CCNB2: variants seen among roughly 807,000 people sequenced by gnomAD.
CCNB2 encodes the protein cyclin B2.
In CCNB2, 39 loss-of-function variants were observed where a neutral mutation model predicts 51.1. The ratio of observed to expected loss-of-function variants is 0.76; its 90% CI spans 0.59 to 1.00. The LOEUF is 1.00. CCNB2 is among the 50% of genes least tolerant of loss of function. The probability of loss-of-function intolerance (pLI) is 0.00; values close to 1 mark genes in which losing one functional copy is unlikely to be tolerated. For synonymous variants in CCNB2, 174 were observed against 165.5 expected (o/e 1.05, Z -0.40); for missense variants, 472 against 470.3 (o/e 1.00, Z -0.03).
chr15:59,115,237 T>C lies in CCNB2; in HGVS notation c.597+361T>C, dbSNP rs959305299. 2.0e-5 allele frequency among the ~76,000 whole-genome samples: 3 copies of C among 152,158 alleles called. No individual in the cohort carries two copies. In the South Asian group the frequency reaches 6.2e-4, roughly 32 times the overall value. On this transcript the variant is annotated intron_variant, in intron 5 of 8. Coordinates refer to ENST00000288207, the MANE Select transcript of CCNB2 (RefSeq NM_004701.4). ...GCCTGCTTGCACAATTTCCATAGTT[T>C]GGTGCTCTGGTGTTAAGTTTCCTCA...
chr15:59,116,990 C>T, intron 6 of CCNB2, 64 bp downstream of exon 6: 1 of 1,346,026 alleles, frequency 7.4e-7, no homozygotes. Flanking sequence ...AAACCTTGAC[C>T]TAATTTAAGG....
rs750754556 is a variant in CCNB2, at chr15:59,107,537, A to G, written c.154-20A>G. On this transcript the variant is annotated intron_variant, in intron 2 of 8. Coordinates refer to ENST00000288207, the MANE Select transcript of CCNB2 (RefSeq NM_004701.4). ...CAACGCTGGCTGTCTTGCGCTATTC[A>G]TGTTTCTTTTTCCTTATAGAAAGCT... 14 of 1,613,950 alleles carry G rather than the reference A, an allele frequency of 8.7e-6. No individual in the cohort carries two copies. In the South Asian group the frequency reaches 1.4e-4, roughly 16 times the overall value.
intron 5 of CCNB2, 87 bp downstream of exon 5, chr15:59,114,963 C>A (rs2079273243): frequency 7.3e-7 from 1 of 1,364,502 alleles, no homozygotes. Context: ...GTGGGTACTT[C>A]TGAAAAAAAG....
rs1425747871 is a variant in CCNB2 at position 59,107,575 on chromosome 15, G to A, written c.172G>A (p.Val58Ile). ...CTTATAGAAAGCTCAGAACACCAAA[G>A]TTCCAGTTCAACCCACCAAAACAAC... ...QVAKKAQNTK[V>I]PVQPTKTTNV... Residue 58 changes from valine to isoleucine, a missense_variant, in exon 3 of 9, where the codon GTT (valine) becomes ATT (isoleucine). Physicochemically the swap from Val to Ile is conservative, Grantham distance 29. Coordinates refer to ENST00000288207, the MANE Select transcript of CCNB2 (RefSeq NM_004701.4). 1 of 1,613,982 alleles carries A rather than the reference G, an allele frequency of 6.2e-7. No homozygotes were observed. The highest frequency in any genetic ancestry group is 2.2e-5 in the East Asian group (1 of 44,892).
chr15:59,124,085 T>C (rs16941048), intron 8 of CCNB2: 6,764 of 165,802 alleles, frequency 0.041, 258 homozygotes, highest in African/African-American at 0.1. Context: ...GAAAAACGCC[T>C]AATTAGCAAG....
Position 59,105,166 on chromosome 15 carries a change from G to A in CCNB2, c.-103G>A, listed in dbSNP as rs144017866. On this transcript the variant is annotated 5_prime_UTR_variant, in exon 1 of 9. Coordinates refer to ENST00000288207, the MANE Select transcript of CCNB2 (RefSeq NM_004701.4). ...GCGTCGAAGATCCCCAGCGCTGCGG[G>A]CTCGGAGAGCAGTCCTAACGGCGCC... is the stretch of plus-strand genomic sequence containing the variant. 4.6e-4 allele frequency: 499 copies of A among 1,076,918 alleles called. No individual in the cohort carries two copies. The East Asian group carries it at 0.01, about 22-fold the overall frequency. 66.7% of individuals were successfully genotyped at this position (1,076,918 alleles called of 1,614,324 possible). A position where few individuals can be genotyped will look rare whatever the true frequency, so the allele number is the denominator to read the frequency against.
At chr15:59,109,271 C>T (rs1392341593) in intron 3 of CCNB2, among the ~76,000 whole-genome samples, 7 of 152,192 alleles carry the variant, frequency 4.6e-5, no homozygotes, top group Admixed American at 1.3e-4. Flanking sequence ...GGTGATCCAC[C>T]TGCCCCCGCC....
intron 3 of CCNB2, among the ~76,000 whole-genome samples, chr15:59,112,965 C>T (rs1378831608): frequency 5.9e-5 from 9 of 151,440 alleles, no homozygotes; most frequent in African/African-American, 1.9e-4. Context: ...ACCCGGGAGG[C>T]GGAGCTTGCA....
At chr15:59,107,265 T>A in intron 1 of CCNB2, 57 bp from the exon 2 acceptor site, 2 of 1,494,372 alleles carry the variant, frequency 1.3e-6, no homozygotes. Context: ...GTATCTAACA[T>A]TAGCAAAGTA....
chr15:59,117,900 C>G (rs1248814228), intron 7 of CCNB2, among the ~76,000 whole-genome samples: 1 of 152,122 alleles, frequency 6.6e-6, no homozygotes, highest in Non-Finnish European at 1.5e-5. Flanking sequence ...CCCAGGAGTT[C>G]AAGTCTATCC....
intron 7 of CCNB2, among the ~76,000 whole-genome samples, chr15:59,118,594 G>A (rs534999996): frequency 6.6e-6 from 1 of 152,342 alleles, no homozygotes; most frequent in African/African-American, 2.4e-5. Context: ...CTAGGCATAA[G>A]AATCACTTGA....
intron 3 of CCNB2, among the ~76,000 whole-genome samples, chr15:59,112,920 G>C (rs1445889174): frequency 6.6e-6 from 1 of 151,794 alleles, no homozygotes; most frequent in Non-Finnish European, 1.5e-5. Flanking sequence ...TGTAGTCCCA[G>C]CTACTCCAGA....
chr15:59,114,614 G>C lies in CCNB2; in HGVS notation c.438G>C (p.Glu146Asp), dbSNP rs761438863. Residue 146 changes from glutamate (E) to aspartate (D), a missense_variant and splice_region_variant, in exon 4 of 9, where the codon GAG becomes GAC. Physicochemically the swap from Glu to Asp is conservative, Grantham distance 45. Coordinates refer to ENST00000288207, the MANE Select transcript of CCNB2 (RefSeq NM_004701.4). Reference protein sequence around the residue: ...KDIYQYLRQLEVLQSINPHFL... With the variant: ...KDIYQYLRQLDVLQSINPHFL... The stretch of plus-strand genomic sequence containing the variant: ...TCTATCAGTATCTCAGGCAGCTGGA[G>C]GTAGGTGGGCCTTTGTGTTTTGGTT... 7.5e-6 allele frequency: 12 copies of C among 1,589,784 alleles called. No homozygotes were observed. Among genetic ancestry groups the C allele is most frequent in the African/African-American group, 2.7e-5 (2 of 74,228 alleles).
chr15:59,114,595 A>C lies in CCNB2; in HGVS notation c.419A>C (p.Gln140Pro). Residue 140 changes from glutamine to proline, a missense_variant, in exon 4 of 9, where the codon CAG becomes CCG. Coordinates refer to ENST00000288207, the MANE Select transcript of CCNB2 (RefSeq NM_004701.4). The stretch of plus-strand genomic sequence containing the variant: ...AGTGACTACGTTAAGGATATCTATC[A>C]GTATCTCAGGCAGCTGGAGGTAGGT... ...LCSDYVKDIY[Q>P]YLRQLEVLQS... 1.3e-6 allele frequency: 2 copies of C among 1,597,784 alleles called. No homozygotes were observed. Among genetic ancestry groups the C allele is most frequent in the Non-Finnish European group, 1.7e-6 (2 of 1,169,774 alleles).
intron 1 of CCNB2, 54 bp from the exon 2 acceptor site, chr15:59,107,268 G>A: frequency 2.0e-6 from 3 of 1,502,322 alleles, no homozygotes; most frequent in African/African-American, 1.4e-5. Context: ...TCTAACATTA[G>A]CAAAGTATTT....
Position 59,117,384 on chromosome 15 carries a change from A to C in CCNB2, c.975+16A>C, listed in dbSNP as rs552092989. On this transcript the variant is annotated intron_variant, in intron 7 of 8. Coordinates refer to ENST00000288207, the MANE Select transcript of CCNB2 (RefSeq NM_004701.4). ...AGGAAAATGGGTGAGTGGTGGATTT[A>C]AGAAGAAACTAATTAGGCTATATTT... is the stretch of plus-strand genomic sequence containing the variant. The C allele has an allele frequency of 6.2e-7, 1 of 1,609,896 alleles. No homozygotes were observed. The highest frequency in any genetic ancestry group is 1.1e-5 in the South Asian group (1 of 90,886).
At chr15:59,105,401 T>A in intron 1 of CCNB2, 109 bp downstream of exon 1, 1 of 1,259,338 alleles carries the variant, frequency 7.9e-7, no homozygotes, top group Non-Finnish European at 1.1e-6. Flanking sequence ...GGGCTGCTTT[T>A]CTCTTCTCCG....
At chr15:59,123,724 T>C in intron 8 of CCNB2, 97 bp downstream of exon 8, 1 of 665,028 alleles carries the variant, frequency 1.5e-6, no homozygotes, top group South Asian at 1.7e-5. Flanking sequence ...GTCATGTAAA[T>C]ATATTAATAA....
rs1457784557 is a variant in CCNB2, at chr15:59,113,538, G to A, written c.268-906G>A. The stretch of plus-strand genomic sequence containing the variant: ...AAACTATAGAATTTTAGAAGTATAG[G>A]TATTATGAGAAAAAACAGAATAATA... On this transcript the variant is annotated intron_variant, in intron 3 of 8. Transcript: ENST00000288207. Among the ~76,000 whole-genome samples, 34 of 152,046 alleles carry A rather than the reference G, an allele frequency of 2.2e-4. 2 individuals carry two copies. The highest frequency in any genetic ancestry group is 2.2e-3 in the Admixed American group (34 of 15,260).
Sources: allele counts gnomAD v4.1 joint callset (sites outside exome capture counted in the v4.1 genomes callset), GRCh38; gene constraint gnomAD v4.1.1; transcripts MANE v1.5; gene names NCBI Gene and HGNC (gene_info 2026-07-23, HGNC 2026-07-21).